PDXDC1: variants seen among roughly 807,000 people sequenced by gnomAD.
PDXDC1 encodes the protein pyridoxal dependent decarboxylase domain containing 1, also known as pyridoxal-dependent decarboxylase domain-containing protein 1.
Under a neutral mutation model 100.1 loss-of-function variants are expected in PDXDC1, and 42 were observed. The ratio of observed to expected loss-of-function variants is 0.42; its 90% CI spans 0.33 to 0.54. The LOEUF (loss-of-function observed/expected upper bound fraction) is 0.54. Ranked by LOEUF, PDXDC1 falls within the 20% of genes least tolerant of loss-of-function variation. The pLI is 0.10. For missense variants in PDXDC1, 636 were observed against 979.2 expected (o/e 0.65, Z 4.68); for synonymous variants, 260 against 371.7 (o/e 0.70, Z 3.46).
downstream of PDXDC1, among the ~76,000 whole-genome samples, chr16:15,140,022 G>A (rs867106236): frequency 1.4e-5 from 2 of 145,858 alleles, no homozygotes; most frequent in African/African-American, 2.5e-5. Flanking sequence ...ACGTGAACCC[G>A]GGAGGCGAAG....
chr16:15,049,157 G>T lies in PDXDC1; in HGVS notation c.1399+19101G>T, dbSNP rs569838517. On this transcript the variant is annotated intron_variant, in intron 16 of 16. Transcript: ENST00000535621. ...AATCCACCCACCCTGGCCTCCCAAA[G>T]TGCTGGGAGTACAGGCACACACCGC... is the stretch of plus-strand genomic sequence containing the variant. Among the ~76,000 whole-genome samples the T allele has an allele frequency of 1.7e-4, 25 of 150,718 alleles. No individual in the cohort carries two copies. The Middle Eastern group carries it at 0.021, about 127-fold the overall frequency.
intron 16 of PDXDC1, among the ~76,000 whole-genome samples, chr16:15,051,003 G>C (rs903866916): frequency 1.3e-5 from 2 of 152,202 alleles, no homozygotes; most frequent in Non-Finnish European, 2.9e-5. Flanking sequence ...CACCTGTACA[G>C]GTGACAGCCT....
At chr16:15,104,328 A>G in intron 16 of PDXDC1, 13 of 1,551,584 alleles carry the variant, frequency 8.4e-6, no homozygotes, top group African/African-American at 1.4e-5. Flanking sequence ...TTATTTTTAT[A>G]TTATTTATTT....
chr16:15,151,615 AG>A, the PDXDC1 span, among the ~76,000 whole-genome samples: 2 of 111,220 alleles, frequency 1.8e-5, no homozygotes, highest in Admixed American at 1.0e-4. Context: ...TGCAGATAAA[AG>A]GGTGGCTGGA....
At chr16:15,006,202 T>G (rs532473151) in intron 5 of PDXDC1, among the ~76,000 whole-genome samples, 192 bp from the exon 6 acceptor site, 23 of 152,390 alleles carry the variant, frequency 1.5e-4, no homozygotes, top group African/African-American at 5.3e-4. Context: ...GGTTATTGTC[T>G]CGCTGCTTGG....
At chr16:14,991,307 ATTTG>A (rs1367376987) in intron 1 of PDXDC1, among the ~76,000 whole-genome samples, 995 of 94,156 alleles carry the variant, frequency 0.011, no homozygotes, top group Non-Finnish European at 0.017. Context: ...GTGTGTGTGT[ATTTG>A]TTGTTGTCGA....
intron 16 of PDXDC1, among the ~76,000 whole-genome samples, chr16:15,132,462 G>A (rs1441669175): frequency 6.8e-6 from 1 of 147,702 alleles, no homozygotes; most frequent in Non-Finnish European, 1.5e-5. Context: ...GGAAGGCACA[G>A]AACAGCATCT....
intron 16 of PDXDC1, chr16:15,056,054 T>A: frequency 1.8e-6 from 1 of 546,840 alleles, no homozygotes; most frequent in Non-Finnish European, 2.4e-6. Flanking sequence ...CCCCCGCCCC[T>A]CGGGCCGCGC....
chr16:15,020,111 C>CAA lies in PDXDC1; in HGVS notation c.1089+1173_1089+1174dup, dbSNP rs56353637. Among the ~76,000 whole-genome samples, 282 of 90,608 alleles carry CAA rather than the reference C, an allele frequency of 3.1e-3. 1 individual carries two copies. Among genetic ancestry groups the CAA allele is most frequent in the African/African-American group, 3.8e-3 (70 of 18,330 alleles). 59.4% of individuals were successfully genotyped at this position (90,608 alleles called of 152,430 possible). On this transcript the variant is annotated intron_variant, in intron 12 of 22. Coordinates refer to ENST00000396410, the MANE Select transcript of PDXDC1 (RefSeq NM_015027.4). The stretch of plus-strand genomic sequence containing the variant: ...TGGGTGACAGAGCGAGGCTCCGTCT[C>CAA]AAAAAAAAAAAAAAAAAAAAAAAAA...
At chr16:14,988,331 C>G in intron 1 of PDXDC1, 1 of 1,614,140 alleles carries the variant, frequency 6.2e-7, no homozygotes, top group Non-Finnish European at 8.5e-7. Context: ...TGTAGATGAG[C>G]TTGAAGAGGA....
intron 1 of PDXDC1, among the ~76,000 whole-genome samples, chr16:14,995,422 T>G (rs1971746081): frequency 1.3e-5 from 2 of 152,368 alleles, no homozygotes; most frequent in East Asian, 3.9e-4. Flanking sequence ...TTGTTGGTTC[T>G]GTTTATATGC....
chr16:15,144,209 G>A (rs1598297885), downstream of PDXDC1, among the ~76,000 whole-genome samples: 1 of 152,174 alleles, frequency 6.6e-6, no homozygotes, highest in East Asian at 1.9e-4. Flanking sequence ...GAGGACAGGG[G>A]ACAGGCAGCA....
At chr16:15,093,525 CCA>C (rs1176049757) in intron 16 of PDXDC1, among the ~76,000 whole-genome samples, 3 of 152,136 alleles carry the variant, frequency 2.0e-5, no homozygotes, top group African/African-American at 7.2e-5. Context: ...ACCACTGTCC[CCA>C]GTGTTTAACA....
chr16:15,065,098 G>A (rs1171793605), intron 16 of PDXDC1: 13 of 981,978 alleles, frequency 1.3e-5, no homozygotes, highest in South Asian at 1.7e-5. Context: ...CCCGGGAGGC[G>A]GAGCTTGCGG....
the PDXDC1 span, among the ~76,000 whole-genome samples, chr16:15,146,630 G>C: frequency 6.6e-6 from 1 of 152,146 alleles, no homozygotes; most frequent in East Asian, 1.9e-4. Flanking sequence ...GGGTCCATAA[G>C]AGTCCACCCG....
intron 16 of PDXDC1, chr16:15,047,337 CG>C: frequency 1.3e-6 from 1 of 771,302 alleles, no homozygotes; most frequent in South Asian, 1.5e-5. Context: ...GAGGCAGACA[CG>C]GCAGTGGTGG....
chr16:15,135,978 G>A (rs1435431575), intron 16 of PDXDC1: 9 of 1,567,186 alleles, frequency 5.7e-6, no homozygotes, highest in African/African-American at 5.4e-5. Flanking sequence ...CCCGGCTGGT[G>A]GGCCCGAGCC....
At chr16:15,080,418 A>G (rs2045650465) in intron 16 of PDXDC1, among the ~76,000 whole-genome samples, 3 of 152,178 alleles carry the variant, frequency 2.0e-5, no homozygotes, top group South Asian at 2.1e-4. Context: ...GAGACCATCA[A>G]CATAATCAAT....
downstream of PDXDC1, among the ~76,000 whole-genome samples, chr16:15,139,659 T>C (rs1195179897): frequency 3.3e-5 from 5 of 151,780 alleles, no homozygotes; most frequent in African/African-American, 9.7e-5. Context: ...TGTGGAGCTG[T>C]AGTTCCAACT....
Sources: allele counts gnomAD v4.1 joint callset (sites outside exome capture counted in the v4.1 genomes callset), GRCh38; gene constraint gnomAD v4.1.1; transcripts MANE v1.5; gene names NCBI Gene and HGNC (gene_info 2026-07-23, HGNC 2026-07-21).